Variants in CADM2 observed in about 807,000 individuals in gnomAD.
CADM2 encodes the protein immunoglobulin superfamily member 4D.
A neutral mutation model predicts 49.8 loss-of-function variants in CADM2; 12 were observed. The observed-to-expected ratio is 0.24, with a 90% CI of 0.15 to 0.39. The LOEUF is 0.39. Among genes scored for constraint, CADM2 ranks in the 10% least tolerant of loss-of-function variants. The pLI, the probability that CADM2 is intolerant of heterozygous loss-of-function variation, is 1.00. For synonymous variants in CADM2, 214 were observed against 175.4 expected (o/e 1.22, Z -1.74); for missense variants, 378 against 492.3 (o/e 0.77, Z 2.20).
chr3:86,007,769 T>G (rs1730971729), intron 8 of CADM2, among the ~76,000 whole-genome samples: 2 of 152,232 alleles, frequency 1.3e-5, no homozygotes, highest in South Asian at 4.1e-4. Context: ...CTATGGAGTT[T>G]CTGGCTTCTC....
Position 85,985,621 on chromosome 3 carries a change from A to C in CADM2, c.970+23974A>C, listed in dbSNP as rs1406572406. 2.6e-5 allele frequency among the ~76,000 whole-genome samples: 4 copies of C among 152,206 alleles called. No homozygotes were observed. The East Asian group carries it at 7.7e-4, about 29-fold the overall frequency. ...TTTTTAGCCCATATAATGCCATTGT[A>C]TTTTTAAATCATGTGCATCAGAAAA... is the stretch of plus-strand genomic sequence containing the variant. On this transcript the variant is annotated intron_variant, in intron 8 of 9. Coordinates refer to ENST00000383699, the MANE Select transcript of CADM2 (RefSeq NM_001167675.2).
At chr3:85,427,548 T>C (rs2036470720) in intron 1 of CADM2, among the ~76,000 whole-genome samples, 2 of 152,094 alleles carry the variant, frequency 1.3e-5, no homozygotes, top group African/African-American at 4.8e-5. Flanking sequence ...GTTTGAGTCA[T>C]CACCTTCTGA....
rs544915899 is a variant in CADM2 at position 84,974,110 on chromosome 3, G to C, written c.61+14442G>C. ...TTTAACTTTGATGATCCCAAGATGG[G>C]AATGATACCACATTTCTAACAGATT... On this transcript the variant is annotated intron_variant, in intron 1 of 9. Coordinates refer to ENST00000383699, the MANE Select transcript of CADM2 (RefSeq NM_001167675.2). 2.6e-5 allele frequency among the ~76,000 whole-genome samples: 4 copies of C among 152,068 alleles called. No homozygotes were observed. The East Asian group carries it at 5.8e-4, about 22-fold the overall frequency.
At chr3:85,983,066 T>C (rs960203799) in intron 8 of CADM2, among the ~76,000 whole-genome samples, 2 of 151,776 alleles carry the variant, frequency 1.3e-5, no homozygotes, top group Admixed American at 6.6e-5. Context: ...TTACAACTCC[T>C]GCTATTGCTG....
chr3:85,723,160 C>A (rs2067567696), intron 1 of CADM2, among the ~76,000 whole-genome samples: 2 of 152,012 alleles, frequency 1.3e-5, no homozygotes. Flanking sequence ...ATAATTCTCA[C>A]CATTTACAAT....
At chr3:85,524,252 A>G (rs556323159) in intron 1 of CADM2, among the ~76,000 whole-genome samples, 8 of 151,888 alleles carry the variant, frequency 5.3e-5, no homozygotes, top group Middle Eastern at 6.8e-3. Context: ...TTATTATTCT[A>G]TTTTTTGTGT....
chr3:85,747,432 T>A (rs990238869), intron 2 of CADM2, among the ~76,000 whole-genome samples: 6 of 152,236 alleles, frequency 3.9e-5, no homozygotes, highest in African/African-American at 1.4e-4. Flanking sequence ...ATAAATAAAT[T>A]GTCTGCCCTC....
chr3:85,698,227 G>C (rs960658493), intron 1 of CADM2, among the ~76,000 whole-genome samples: 1 of 152,162 alleles, frequency 6.6e-6, no homozygotes, highest in Non-Finnish European at 1.5e-5. Flanking sequence ...TGTCAGAGGG[G>C]CTGGTCCAAG....
At chr3:85,314,047 G>A (rs2044406647) in intron 1 of CADM2, among the ~76,000 whole-genome samples, 1 of 151,968 alleles carries the variant, frequency 6.6e-6, no homozygotes, top group Non-Finnish European at 1.5e-5. Flanking sequence ...GTGCCACCAC[G>A]CCTGGTAATT....
At chr3:85,745,785 A>C (rs1378339875) in intron 2 of CADM2, among the ~76,000 whole-genome samples, 1 of 152,024 alleles carries the variant, frequency 6.6e-6, no homozygotes, top group Non-Finnish European at 1.5e-5. Flanking sequence ...GGATGGCTTG[A>C]GCTGTTGAAT....
intron 1 of CADM2, among the ~76,000 whole-genome samples, chr3:85,142,140 G>A (rs1159641103): frequency 1.3e-5 from 2 of 152,184 alleles, no homozygotes; most frequent in East Asian, 3.9e-4. Flanking sequence ...ACCATTAAAT[G>A]TAATGGCACC....
intron 1 of CADM2, among the ~76,000 whole-genome samples, chr3:85,702,505 G>A (rs1321364035): frequency 6.6e-6 from 1 of 151,916 alleles, no homozygotes; most frequent in African/African-American, 2.4e-5. Flanking sequence ...TGTCAATCAG[G>A]TTTCATCTTT....
intron 2 of CADM2, 38 bp from the exon 3 acceptor site, chr3:85,802,003 TTATGAC>T: frequency 7.3e-7 from 1 of 1,373,682 alleles, no homozygotes; most frequent in Non-Finnish European, 9.6e-7. Flanking sequence ...GTTAATCATT[TTATGAC>T]TTTCATTTAA....
chr3:85,656,213 T>G (rs2065191031), intron 1 of CADM2, among the ~76,000 whole-genome samples: 2 of 152,128 alleles, frequency 1.3e-5, no homozygotes, highest in South Asian at 4.1e-4. Flanking sequence ...AGTATGAACA[T>G]TTTTGATAGT....
intron 1 of CADM2, among the ~76,000 whole-genome samples, chr3:85,547,282 G>A (rs1463205): frequency 0.51 from 77,933 of 151,964 alleles, 23,055 homozygotes; most frequent in East Asian, 0.85. Context: ...TTTGGGCATG[G>A]CGATTTCATA....
intron 1 of CADM2, among the ~76,000 whole-genome samples, chr3:85,000,027 G>A (rs894850756): frequency 1.3e-5 from 2 of 151,624 alleles, no homozygotes; most frequent in African/African-American, 2.4e-5. Context: ...TAATGTTTAC[G>A]ATATTTACCG....
intron 1 of CADM2, among the ~76,000 whole-genome samples, chr3:84,980,759 T>C (rs1433825560): frequency 6.6e-6 from 1 of 152,168 alleles, no homozygotes; most frequent in African/African-American, 2.4e-5. Context: ...GAAATGAGAA[T>C]TGTGATATCC....
At chr3:85,329,878 A>C (rs1299340314) in intron 1 of CADM2, among the ~76,000 whole-genome samples, 2 of 152,090 alleles carry the variant, frequency 1.3e-5, no homozygotes, top group Non-Finnish European at 2.9e-5. Flanking sequence ...CCTTTTTGAA[A>C]GAAAAATAAG....
At chr3:86,014,785 A>T in intron 8 of CADM2, 1 of 1,475,142 alleles carries the variant, frequency 6.8e-7, no homozygotes, top group Non-Finnish European at 9.1e-7. Context: ...ATCAAATAGA[A>T]ACACAGGAGG....
Sources: gnomAD v4.1 joint callset for allele counts (sites outside exome capture counted in the v4.1 genomes callset) on GRCh38, gnomAD v4.1.1 for gene constraint, MANE v1.5 for transcripts, NCBI Gene and HGNC (gene_info 2026-07-23, HGNC 2026-07-21) for gene names.